MOXD1: variants seen among roughly 807,000 people sequenced by gnomAD.
The protein encoded by MOXD1 is DBH-like monooxygenase protein 1.
Under a neutral mutation model 66.6 loss-of-function variants are expected in MOXD1, and 62 were observed. The ratio of observed to expected loss-of-function variants is 0.93; its 90% CI spans 0.76 to 1.15. The LOEUF (loss-of-function observed/expected upper bound fraction) is 1.15. MOXD1 is among the 50% of genes most tolerant of loss of function. MOXD1 has a pLI of 0.00. For synonymous variants in MOXD1, 303 were observed against 281.9 expected (o/e 1.07, Z -0.75); for missense variants, 847 against 754.6 (o/e 1.12, Z -1.44).
chr6:132,308,729 T>A (rs552290755), intron 10 of MOXD1, among the ~76,000 whole-genome samples: 1 of 152,314 alleles, frequency 6.6e-6, no homozygotes, highest in East Asian at 1.9e-4. Flanking sequence ...TGCAAATCAA[T>A]AAACATAATC....
chr6:132,361,099 A>C (rs140099124), intron 4 of MOXD1, among the ~76,000 whole-genome samples: 3 of 152,212 alleles, frequency 2.0e-5, no homozygotes, highest in Non-Finnish European at 4.4e-5. Flanking sequence ...AATGAGATGC[A>C]TTTTAAAGTC....
At position 132,322,808 on chromosome 6, in the gene MOXD1, C is replaced by T. The variant is rs767086118; in HGVS notation, c.1176G>A (p.Leu392=). ...GACGCAGCCTGATGCCTCTGCCAGC[C>T]AGGTGAGCATGGAGAAGAACAGCAA... ...HVFAVLLHAH[L]AGRGIRLRHF... Residue 392 remains leucine, a synonymous_variant, in exon 8 of 12, where the codon CTG becomes CTA. Transcript: ENST00000367963. 6.2e-7 allele frequency: 1 copy of T among 1,614,090 alleles called. No homozygotes were observed. Among genetic ancestry groups the T allele is most frequent in the Non-Finnish European group, 8.5e-7 (1 of 1,179,988 alleles).
At position 132,324,113 on chromosome 6, in the gene MOXD1, A is replaced by G. The variant is rs1775139215; in HGVS notation, c.947-16T>C. ...TCTATTAAGCCTAGAACAAAAGCACATAATTAAAGTGATTTTTGGTTCTTA... is the reference window on the plus strand; with the variant it reads ...TCTATTAAGCCTAGAACAAAAGCACGTAATTAAAGTGATTTTTGGTTCTTA... On this transcript the variant is annotated splice_polypyrimidine_tract_variant and intron_variant, in intron 6 of 11. Coordinates refer to ENST00000367963, the MANE Select transcript of MOXD1 (RefSeq NM_015529.4). 6.3e-7 allele frequency: 1 copy of G among 1,596,998 alleles called. No individual in the cohort carries two copies. Among genetic ancestry groups the G allele is most frequent in the Non-Finnish European group, 8.5e-7 (1 of 1,173,962 alleles).
chr6:132,308,704 G>A (rs1249772874), intron 10 of MOXD1, among the ~76,000 whole-genome samples: 1 of 152,102 alleles, frequency 6.6e-6, no homozygotes, highest in African/African-American at 2.4e-5. Context: ...TGGGATACAA[G>A]GCAGGTTCAA....
chr6:132,381,066 T>C (rs901114613), intron 1 of MOXD1, among the ~76,000 whole-genome samples: 10 of 152,340 alleles, frequency 6.6e-5, no homozygotes, highest in Middle Eastern at 3.4e-3. Flanking sequence ...GGAGAAGTCA[T>C]GTTTCAGAAG....
At chr6:132,314,459 C>A (rs558750905) in intron 10 of MOXD1, among the ~76,000 whole-genome samples, 131 of 152,350 alleles carry the variant, frequency 8.6e-4, no homozygotes, top group African/African-American at 2.9e-3. Flanking sequence ...TCCCTTTGCA[C>A]TTAAAGCCCC....
intron 4 of MOXD1, among the ~76,000 whole-genome samples, chr6:132,355,739 C>T (rs971663655): frequency 6.6e-6 from 1 of 152,142 alleles, no homozygotes. Flanking sequence ...GTTTGTAGCC[C>T]AGCTACAAAC....
intron 10 of MOXD1, among the ~76,000 whole-genome samples, chr6:132,301,220 A>ATATG (rs1355898465): frequency 2.2e-5 from 3 of 137,664 alleles, no homozygotes; most frequent in Non-Finnish European, 3.1e-5. Context: ...ATATATATAT[A>ATATG]TATTACTGTA....
Position 132,376,634 on chromosome 6 carries a change from C to T in MOXD1, c.265-1857G>A, listed in dbSNP as rs1377476800. Among the ~76,000 whole-genome samples the T allele has an allele frequency of 8.3e-5, 8 of 96,676 alleles. 2 individuals are homozygous for T. Among genetic ancestry groups the T allele is most frequent in the Non-Finnish European group, 1.0e-4 (6 of 59,054 alleles). The allele number at this position is 96,676 out of a possible 152,430, so 63.4% of individuals were successfully genotyped here. On this transcript the variant is annotated intron_variant, in intron 1 of 11. Coordinates refer to ENST00000367963, the MANE Select transcript of MOXD1 (RefSeq NM_015529.4). Reference sequence around the variant, plus strand: ...GTTCACGCCATTCTCCTGCCTCAGCCTCCCAAGTAGCTGGGACTACAGGCG... The same window carrying T: ...GTTCACGCCATTCTCCTGCCTCAGCTTCCCAAGTAGCTGGGACTACAGGCG...
At chr6:132,388,132 C>T (rs1317667838) in intron 1 of MOXD1, among the ~76,000 whole-genome samples, 2 of 151,438 alleles carry the variant, frequency 1.3e-5, no homozygotes, top group East Asian at 3.8e-4. Context: ...TATTTGTCTT[C>T]ATGTGGTCTT....
intron 1 of MOXD1, among the ~76,000 whole-genome samples, chr6:132,385,642 C>T (rs1470455162): frequency 6.6e-6 from 1 of 151,704 alleles, no homozygotes; most frequent in Non-Finnish European, 1.5e-5. Context: ...TGCCACCATG[C>T]CTGGCTAATT....
chr6:132,321,572 A>G lies in MOXD1; in HGVS notation c.1306-884T>C, dbSNP rs185282877. On this transcript the variant is annotated intron_variant, in intron 8 of 11. Coordinates refer to ENST00000367963, the MANE Select transcript of MOXD1 (RefSeq NM_015529.4). Reference sequence around the variant, plus strand: ...CCCTTTAAGGTAAGCAGATGAAGCTATTCATAGACCTGAGGCCGTAATCTC... The same window carrying G: ...CCCTTTAAGGTAAGCAGATGAAGCTGTTCATAGACCTGAGGCCGTAATCTC... Among the ~76,000 whole-genome samples the G allele has an allele frequency of 1.9e-3, 289 of 152,258 alleles. 1 individual carries two copies. Among genetic ancestry groups the G allele is most frequent in the South Asian group, 7.1e-3 (34 of 4,818 alleles).
intron 4 of MOXD1, among the ~76,000 whole-genome samples, chr6:132,352,270 G>T (rs1775816727): frequency 6.6e-6 from 1 of 152,008 alleles, no homozygotes; most frequent in African/African-American, 2.4e-5. Flanking sequence ...AGGCATTTAG[G>T]GCCGTGAACT....
intron 10 of MOXD1, among the ~76,000 whole-genome samples, chr6:132,303,480 C>T (rs1048222787): frequency 4.0e-5 from 6 of 151,888 alleles, no homozygotes; most frequent in African/African-American, 1.5e-4. Context: ...GCACATGCTC[C>T]TAGCTACTTT....
chr6:132,395,043 C>T (rs1336406272), intron 1 of MOXD1, among the ~76,000 whole-genome samples: 1 of 151,942 alleles, frequency 6.6e-6, no homozygotes. Context: ...ACAGAGAAAA[C>T]TCAAAAAAGC....
At chr6:132,378,541 A>G (rs1776441503) in intron 1 of MOXD1, among the ~76,000 whole-genome samples, 2 of 152,238 alleles carry the variant, frequency 1.3e-5, no homozygotes, top group African/African-American at 2.4e-5. Flanking sequence ...GCAAAGATGG[A>G]ATAAATAGAA....
chr6:132,356,574 C>T (rs1775914233), intron 4 of MOXD1, among the ~76,000 whole-genome samples: 1 of 152,174 alleles, frequency 6.6e-6, no homozygotes, highest in African/African-American at 2.4e-5. Flanking sequence ...AGAACATTTA[C>T]TGAAGCAATG....
intron 6 of MOXD1, among the ~76,000 whole-genome samples, chr6:132,326,535 A>T (rs1332844873): frequency 6.6e-6 from 1 of 152,088 alleles, no homozygotes; most frequent in Non-Finnish European, 1.5e-5. Flanking sequence ...AATGTAAAAA[A>T]TTTTTAAAAG....
At chr6:132,399,173 T>C (rs1776965282) in intron 1 of MOXD1, among the ~76,000 whole-genome samples, 1 of 152,166 alleles carries the variant, frequency 6.6e-6, no homozygotes, top group Non-Finnish European at 1.5e-5. Flanking sequence ...AAGTTAACTG[T>C]CTTTCCATTT....
Sources: gnomAD v4.1 joint callset for allele counts (sites outside exome capture counted in the v4.1 genomes callset) on GRCh38, gnomAD v4.1.1 for gene constraint, MANE v1.5 for transcripts, NCBI Gene and HGNC (gene_info 2026-07-23, HGNC 2026-07-21) for gene names.